Variants in FHOD3 observed in about 807,000 individuals in gnomAD.
FHOD3 encodes the protein formin homology 2 domain containing 3.
In FHOD3, 90 loss-of-function variants were observed where a neutral mutation model predicts 173.0. The ratio of observed to expected loss-of-function variants is 0.52; its 90% CI spans 0.44 to 0.62. FHOD3 has a LOEUF of 0.62. Ranked by LOEUF, FHOD3 falls within the 20% of genes least tolerant of loss-of-function variation. FHOD3 has a pLI of 0.00. For missense variants in FHOD3, 1,945 were observed against 2,034.7 expected (o/e 0.96, Z 0.85); for synonymous variants, 828 against 823.0 (o/e 1.01, Z -0.10).
At chr18:36,551,928 C>T (rs890973036) in intron 5 of FHOD3, among the ~76,000 whole-genome samples, 20 of 152,134 alleles carry the variant, frequency 1.3e-4, no homozygotes, top group African/African-American at 3.1e-4. Context: ...AGTCAGGTAG[C>T]GTGATGCCTC....
chr18:36,563,926 G>A (rs543581251), intron 5 of FHOD3, among the ~76,000 whole-genome samples: 5 of 151,908 alleles, frequency 3.3e-5, no homozygotes, highest in South Asian at 2.1e-4. Flanking sequence ...TTAATTACTC[G>A]TCTCTACACC....
chr18:36,541,175 C>T (rs12961765), intron 5 of FHOD3, among the ~76,000 whole-genome samples: 22,084 of 144,284 alleles, frequency 0.15, 2,216 homozygotes, highest in East Asian at 0.48. Flanking sequence ...CACTTGAACC[C>T]GGGAGGTGGA....
intron 9 of FHOD3, 146 bp downstream of exon 9, chr18:36,612,241 A>G: frequency 1.2e-6 from 1 of 810,254 alleles, no homozygotes; most frequent in South Asian, 2.2e-5. Context: ...CCCCAGACCT[A>G]CTGAATCAGA....
intron 10 of FHOD3, among the ~76,000 whole-genome samples, chr18:36,626,461 A>T (rs1016083698): frequency 4.0e-4 from 61 of 152,320 alleles, no homozygotes; most frequent in African/African-American, 1.5e-3. Flanking sequence ...AAATCTGCCA[A>T]ACCCAGAGTG....
At chr18:36,445,387 C>T (rs1819119710) in intron 3 of FHOD3, among the ~76,000 whole-genome samples, 2 of 152,048 alleles carry the variant, frequency 1.3e-5, no homozygotes, top group African/African-American at 4.8e-5. Context: ...TTAGGCCTGC[C>T]TTTGAGTTTT....
At chr18:36,625,982 C>T (rs1457034607) in intron 10 of FHOD3, among the ~76,000 whole-genome samples, 1 of 152,166 alleles carries the variant, frequency 6.6e-6, no homozygotes, top group African/African-American at 2.4e-5. Flanking sequence ...AACTGTTTTT[C>T]AGCTACCTGT....
At chr18:36,310,502 A>G (rs1158672209) in intron 1 of FHOD3, among the ~76,000 whole-genome samples, 3 of 152,054 alleles carry the variant, frequency 2.0e-5, no homozygotes, top group Non-Finnish European at 4.4e-5. Context: ...CCTGGCCAAC[A>G]TGGCGAAACC....
chr18:36,523,376 G>A (rs956244848), intron 5 of FHOD3, among the ~76,000 whole-genome samples: 2 of 152,228 alleles, frequency 1.3e-5, no homozygotes, highest in African/African-American at 4.8e-5. Flanking sequence ...CAAACTCCAA[G>A]AACAGAGTTG....
At chr18:36,627,398 G>C (rs1417126086) in intron 10 of FHOD3, among the ~76,000 whole-genome samples, 2 of 152,262 alleles carry the variant, frequency 1.3e-5, no homozygotes, top group African/African-American at 4.8e-5. Flanking sequence ...TGTGTTGTGA[G>C]TTCAGGTGAC....
At chr18:36,407,287 G>A (rs1404880963) in intron 3 of FHOD3, among the ~76,000 whole-genome samples, 3 of 152,178 alleles carry the variant, frequency 2.0e-5, no homozygotes, top group Admixed American at 6.5e-5. Flanking sequence ...ATATTAAAAA[G>A]TAGTACTTTA....
chr18:36,385,222 C>CTT (rs1444764745), intron 3 of FHOD3, among the ~76,000 whole-genome samples: 2 of 152,108 alleles, frequency 1.3e-5, no homozygotes, highest in African/African-American at 4.8e-5. Flanking sequence ...AGCTACTATC[C>CTT]TTTTTTAAGC....
chr18:36,523,373 C>T (rs1390014845), intron 5 of FHOD3, among the ~76,000 whole-genome samples: 1 of 152,172 alleles, frequency 6.6e-6, no homozygotes, highest in Non-Finnish European at 1.5e-5. Context: ...AGACAAACTC[C>T]AAGAACAGAG....
chr18:36,344,518 T>A (rs907949456), intron 1 of FHOD3, among the ~76,000 whole-genome samples: 5 of 152,190 alleles, frequency 3.3e-5, no homozygotes, highest in African/African-American at 1.2e-4. Flanking sequence ...GAAGGCATAT[T>A]ATCTATAGGA....
At chr18:36,445,831 C>T (rs560043891) in intron 3 of FHOD3, among the ~76,000 whole-genome samples, 2 of 152,264 alleles carry the variant, frequency 1.3e-5, no homozygotes, top group African/African-American at 4.8e-5. Flanking sequence ...TCCCTCGCTG[C>T]GGTCAGCCAC....
intron 24 of FHOD3, among the ~76,000 whole-genome samples, chr18:36,748,828 G>T (rs1347398850): frequency 6.6e-6 from 1 of 152,162 alleles, no homozygotes; most frequent in African/African-American, 2.4e-5. Context: ...ACTGATTAAA[G>T]CAGGACTCTC....
At chr18:36,506,973 G>A (rs2055339034) in intron 4 of FHOD3, among the ~76,000 whole-genome samples, 1 of 152,182 alleles carries the variant, frequency 6.6e-6, no homozygotes, top group Admixed American at 6.5e-5. Flanking sequence ...GTGTATAGTA[G>A]CCTTTTAATC....
intron 4 of FHOD3, among the ~76,000 whole-genome samples, chr18:36,509,119 G>A (rs932508604): frequency 3.3e-5 from 5 of 152,076 alleles, no homozygotes; most frequent in African/African-American, 1.2e-4. Context: ...TACTGTACAG[G>A]ACAAATGACC....
At chr18:36,413,925 C>T (rs2049490886) in intron 3 of FHOD3, among the ~76,000 whole-genome samples, 1 of 152,178 alleles carries the variant, frequency 6.6e-6, no homozygotes, top group South Asian at 2.1e-4. Flanking sequence ...CCCTCACCTA[C>T]AGCCCATGTA....
intron 3 of FHOD3, among the ~76,000 whole-genome samples, chr18:36,431,753 A>G (rs1308847348): frequency 6.6e-6 from 1 of 152,240 alleles, no homozygotes; most frequent in African/African-American, 2.4e-5. Context: ...GGAAACTGTG[A>G]TATGACCATC....
Sources: allele counts gnomAD v4.1 joint callset (sites outside exome capture counted in the v4.1 genomes callset), GRCh38; gene constraint gnomAD v4.1.1; transcripts MANE v1.5; gene names NCBI Gene and HGNC (gene_info 2026-07-23, HGNC 2026-07-21).